Variants in CSMD1 observed in about 807,000 individuals in gnomAD.
CSMD1 encodes CUB and sushi domain-containing protein 1.
Under a neutral mutation model 417.5 loss-of-function variants are expected in CSMD1, and 213 were observed. The observed-to-expected ratio is 0.51, with a 90% CI of 0.46 to 0.57. The LOEUF is 0.57. CSMD1 is among the 20% of genes least tolerant of loss of function. CSMD1 has a pLI of 0.00. For missense variants in CSMD1, 6,923 were observed against 4,529.7 expected (o/e 1.53, Z -15.17); for synonymous variants, 2,862 against 1,736.8 (o/e 1.65, Z -16.11).
At chr8:4,134,706 C>A (rs1473833613) in intron 3 of CSMD1, among the ~76,000 whole-genome samples, 1 of 152,190 alleles carries the variant, frequency 6.6e-6, no homozygotes, top group Non-Finnish European at 1.5e-5. Context: ...GTGAACCACA[C>A]CACTTACCTC....
At chr8:4,158,992 C>G (rs971053574) in intron 3 of CSMD1, among the ~76,000 whole-genome samples, 3 of 152,030 alleles carry the variant, frequency 2.0e-5, no homozygotes, top group African/African-American at 7.2e-5. Flanking sequence ...CTCAGCTCAC[C>G]ACAACCTTCA....
At chr8:4,128,246 G>C (rs912963212) in intron 3 of CSMD1, among the ~76,000 whole-genome samples, 1 of 152,080 alleles carries the variant, frequency 6.6e-6, no homozygotes, top group Admixed American at 6.6e-5. Context: ...ATGGCTGACA[G>C]GTGCAATCCC....
intron 2 of CSMD1, among the ~76,000 whole-genome samples, chr8:4,588,321 C>G (rs1477793356): frequency 2.1e-5 from 3 of 145,934 alleles, no homozygotes; most frequent in Admixed American, 1.4e-4. Flanking sequence ...AAACATCAGA[C>G]CACAGTTTCA....
At chr8:4,289,410 G>GGCTCGAAAGT (rs56032643) in intron 3 of CSMD1, among the ~76,000 whole-genome samples, 12 of 151,972 alleles carry the variant, frequency 7.9e-5, no homozygotes, top group African/African-American at 2.9e-4. Context: ...AGGGAGCCAG[G>GGCTCGAAAGT]GCCTGTGTTT....
intron 1 of CSMD1, among the ~76,000 whole-genome samples, chr8:4,832,305 T>C (rs1017271158): frequency 1.4e-4 from 21 of 152,180 alleles, no homozygotes; most frequent in African/African-American, 4.6e-4. Context: ...TTAGCGCACA[T>C]GAGGAGATGG....
chr8:4,951,707 C>T (rs542442519), intron 1 of CSMD1, among the ~76,000 whole-genome samples: 1 of 151,556 alleles, frequency 6.6e-6, no homozygotes, highest in African/African-American at 2.4e-5. Flanking sequence ...GTGGTTCTAC[C>T]AGAAGAATCT....
chr8:4,695,948 G>A (rs922335490), intron 1 of CSMD1, among the ~76,000 whole-genome samples: 6 of 152,138 alleles, frequency 3.9e-5, no homozygotes, highest in African/African-American at 9.7e-5. Context: ...ATGAAAGCCG[G>A]CTGTGGTTAG....
chr8:3,511,630 T>A (rs1449343611), intron 10 of CSMD1, among the ~76,000 whole-genome samples: 1 of 151,290 alleles, frequency 6.6e-6, no homozygotes, highest in Non-Finnish European at 1.5e-5. Context: ...TGGTAGCAGA[T>A]GTCTGTGATC....
chr8:4,064,819 T>C (rs1013041666), intron 3 of CSMD1, among the ~76,000 whole-genome samples: 1 of 152,176 alleles, frequency 6.6e-6, no homozygotes, highest in African/African-American at 2.4e-5. Context: ...TTGTTATTTA[T>C]ATCTATATCA....
At chr8:3,610,411 T>C (rs1447938793) in intron 8 of CSMD1, among the ~76,000 whole-genome samples, 1 of 152,020 alleles carries the variant, frequency 6.6e-6, no homozygotes, top group Non-Finnish European at 1.5e-5. Flanking sequence ...GGCTCATGCT[T>C]ATACTCCCAA....
chr8:4,458,431 G>A (rs928037986), intron 2 of CSMD1, among the ~76,000 whole-genome samples: 2 of 152,016 alleles, frequency 1.3e-5, no homozygotes, highest in Admixed American at 6.6e-5. Context: ...TTATCAGTTG[G>A]TTTCTAAAAC....
intron 3 of CSMD1, among the ~76,000 whole-genome samples, chr8:4,296,653 T>C (rs900284501): frequency 6.6e-6 from 1 of 150,458 alleles, no homozygotes; most frequent in Admixed American, 6.6e-5. Flanking sequence ...AACTCGTATG[T>C]GGAGGTCCCT....
chr8:4,954,529 GATTTT>G (rs767324704), intron 1 of CSMD1, among the ~76,000 whole-genome samples: 2 of 152,212 alleles, frequency 1.3e-5, no homozygotes, highest in East Asian at 1.9e-4. Context: ...TTCATCTATA[GATTTT>G]ATTTTTTTAA....
intron 10 of CSMD1, among the ~76,000 whole-genome samples, chr8:3,520,877 C>G (rs913015883): frequency 6.6e-6 from 1 of 152,136 alleles, no homozygotes; most frequent in African/African-American, 2.4e-5. Flanking sequence ...CTTTGTCACC[C>G]TTGTGTCTAG....
chr8:4,029,451 G>A (rs1005672213), intron 4 of CSMD1, among the ~76,000 whole-genome samples: 1 of 152,166 alleles, frequency 6.6e-6, no homozygotes, highest in African/African-American at 2.4e-5. Context: ...AGCAGGCAAA[G>A]TCAGCCTGTG....
intron 2 of CSMD1, among the ~76,000 whole-genome samples, chr8:4,549,886 G>C (rs1398265764): frequency 1.3e-5 from 1 of 78,210 alleles, no homozygotes; most frequent in Non-Finnish European, 2.3e-5. Context: ...GACAATCTAA[G>C]ACTTTGTCTC....
intron 5 of CSMD1, among the ~76,000 whole-genome samples, chr8:3,899,432 A>G (rs533228391): frequency 1.2e-4 from 19 of 152,258 alleles, no homozygotes; most frequent in Non-Finnish European, 2.4e-4. Flanking sequence ...GGCCACAGGG[A>G]TTGTACGTGG....
chr8:3,586,336 CA>C, intron 8 of CSMD1, 76 bp from the exon 9 acceptor site: 1 of 1,300,710 alleles, frequency 7.7e-7, no homozygotes, highest in Non-Finnish European at 1.0e-6. Flanking sequence ...AAAAAATCAG[CA>C]AAATGGCTGC....
intron 3 of CSMD1, among the ~76,000 whole-genome samples, chr8:4,036,188 G>C (rs972218090): frequency 2.6e-5 from 4 of 152,134 alleles, no homozygotes; most frequent in African/African-American, 9.7e-5. Context: ...TGTGATGTTT[G>C]CACAGGGACA....
Sources: allele counts gnomAD v4.1 joint callset (sites outside exome capture counted in the v4.1 genomes callset), GRCh38; gene constraint gnomAD v4.1.1; transcripts MANE v1.5; gene names NCBI Gene and HGNC (gene_info 2026-07-23, HGNC 2026-07-21).